The following STARD6 variants were observed in gnomAD, a reference collection of about 807,000 sequenced individuals.
STARD6 encodes StAR related lipid transfer domain containing 6.
In STARD6, 21 loss-of-function variants were observed where a neutral mutation model predicts 22.3. That is an observed-to-expected ratio of 0.94 (90% CI 0.67 to 1.35). The LOEUF is 1.35. Ranked by LOEUF, STARD6 falls within the 40% of genes most tolerant of loss-of-function variation. STARD6 has a pLI of 0.00. For synonymous variants in STARD6, 80 were observed against 88.1 expected (o/e 0.91, Z 0.52); for missense variants, 269 against 266.9 (o/e 1.01, Z -0.05).
At chr18:54,339,467 C>A (rs931069695) in intron 4 of STARD6, among the ~76,000 whole-genome samples, 4 of 143,058 alleles carry the variant, frequency 2.8e-5, no homozygotes, top group African/African-American at 8.7e-5. Context: ...AAAATAAAGT[C>A]TTGAAAGCAG....
intron 4 of STARD6, among the ~76,000 whole-genome samples, chr18:54,344,583 T>TAAAAAAAAAAAAAAAAA (rs55736082): frequency 4.3e-5 from 4 of 94,054 alleles, no homozygotes; most frequent in Admixed American, 1.1e-4. Context: ...AAAAATAAAT[T>TAAAAAAAAAAAAAAAAA]AAAAAAAAAA....
intron 5 of STARD6, among the ~76,000 whole-genome samples, chr18:54,335,877 AT>A (rs2088906585): frequency 2.0e-5 from 3 of 152,176 alleles, no homozygotes; most frequent in Admixed American, 6.5e-5. Context: ...CCTCCGAGTC[AT>A]GCTTCCTGTG....
chr18:54,324,989 A>T (rs2144660777), intron 7 of STARD6, 114 bp from the exon 8 acceptor site: 1 of 776,660 alleles, frequency 1.3e-6, no homozygotes. Context: ...CATACTTAAA[A>T]ATTGTACTTA....
chr18:54,326,436 A>G (rs1363313919), intron 7 of STARD6, among the ~76,000 whole-genome samples: 1 of 149,518 alleles, frequency 6.7e-6, no homozygotes, highest in Non-Finnish European at 1.5e-5. Context: ...GGTTCAAACG[A>G]TTCTCCTGCT....
chr18:54,354,501 TC>T lies in STARD6; in HGVS notation c.72del (p.Trp24Ter). 6.2e-7 allele frequency: 1 copy of T among 1,613,210 alleles called. No homozygotes were observed. Among genetic ancestry groups the T allele is most frequent in the Non-Finnish European group, 8.5e-7 (1 of 1,179,618 alleles). On this transcript the variant is annotated frameshift_variant, in exon 3 of 8. Coordinates refer to ENST00000307844, the MANE Select transcript of STARD6 (RefSeq NM_139171.2). ...TTTCTTACTGAAGTTTTAACCACTTTCCAGCCTGATGTATCTCGATTATAAC... is the reference window on the plus strand; with the variant it reads ...TTTCTTACTGAAGTTTTAACCACTTTCAGCCTGATGTATCTCGATTATAAC... ...VLGYNRDTSG[W>X]KVVKTSKKIT...
At chr18:54,333,813 T>C (rs1189903401) in intron 5 of STARD6, among the ~76,000 whole-genome samples, 3 of 152,212 alleles carry the variant, frequency 2.0e-5, no homozygotes, top group Non-Finnish European at 4.4e-5. Context: ...GTTTATTTAT[T>C]TATTTACTTA....
chr18:54,335,943 C>T (rs1354791637), intron 5 of STARD6, among the ~76,000 whole-genome samples: 1 of 152,148 alleles, frequency 6.6e-6, no homozygotes, highest in Non-Finnish European at 1.5e-5. Flanking sequence ...ATTACCCAGT[C>T]TCAGGTAGTT....
chr18:54,353,897 G>A (rs1599312667), intron 4 of STARD6, 157 bp downstream of exon 4: 7 of 456,662 alleles, frequency 1.5e-5, no homozygotes, highest in Non-Finnish European at 1.2e-5. Flanking sequence ...TCTGATTGCT[G>A]TATTTTATTA....
chr18:54,343,304 G>C, intron 4 of STARD6, among the ~76,000 whole-genome samples: 1 of 127,712 alleles, frequency 7.8e-6, no homozygotes, highest in East Asian at 2.3e-4. Flanking sequence ...TCTCCGCCCA[G>C]CAGCCACCCC....
chr18:54,344,920 A>C (rs1430969976), intron 4 of STARD6, among the ~76,000 whole-genome samples: 1 of 152,232 alleles, frequency 6.6e-6, no homozygotes, highest in Admixed American at 6.5e-5. Flanking sequence ...GGCACCTATG[A>C]AAAATCCACT....
chr18:54,334,052 T>C (rs1250405268), intron 5 of STARD6, among the ~76,000 whole-genome samples: 1 of 152,230 alleles, frequency 6.6e-6, no homozygotes, highest in Non-Finnish European at 1.5e-5. Context: ...AATTCACCTA[T>C]TTTAAGTATG....
chr18:54,343,657 G>T (rs1221413511), intron 4 of STARD6, among the ~76,000 whole-genome samples: 81 of 32,526 alleles, frequency 2.5e-3, no homozygotes, highest in African/African-American at 6.9e-3. Flanking sequence ...CAGCCGCCCC[G>T]TCCGGGAGGG....
chr18:54,328,639 C>T (rs2088842977), intron 7 of STARD6, among the ~76,000 whole-genome samples: 1 of 139,720 alleles, frequency 7.2e-6, no homozygotes, highest in South Asian at 2.1e-4. Flanking sequence ...CCTTCACATA[C>T]ATTTTTTTTT....
intron 4 of STARD6, among the ~76,000 whole-genome samples, chr18:54,338,251 C>A (rs2088934994): frequency 6.6e-6 from 1 of 152,190 alleles, no homozygotes; most frequent in African/African-American, 2.4e-5. Context: ...AGGCTGCACC[C>A]TCTGAGGAGT....
intron 1 of STARD6, among the ~76,000 whole-genome samples, chr18:54,356,715 T>C (rs2089147692): frequency 6.6e-6 from 1 of 152,166 alleles, no homozygotes; most frequent in Admixed American, 6.5e-5. Flanking sequence ...AAAATTTAAG[T>C]TTTTAAGCTT....
intron 4 of STARD6, among the ~76,000 whole-genome samples, chr18:54,337,648 T>C (rs1168492605): frequency 6.6e-6 from 1 of 152,188 alleles, no homozygotes; most frequent in Non-Finnish European, 1.5e-5. Flanking sequence ...GCTCTTGTGC[T>C]ATAATGACAG....
chr18:54,347,831 T>A (rs2089051429), intron 4 of STARD6, among the ~76,000 whole-genome samples: 1 of 152,070 alleles, frequency 6.6e-6, no homozygotes, highest in Non-Finnish European at 1.5e-5. Flanking sequence ...TTAAAAAATG[T>A]TTAACCTGTG....
At position 54,324,747 on chromosome 18, in the gene STARD6, A is replaced by G. The variant is rs767696282; in HGVS notation, c.608T>C (p.Ile203Thr). 6.2e-7 allele frequency: 1 copy of G among 1,612,892 alleles called. No individual in the cohort carries two copies. Among genetic ancestry groups the G allele is most frequent in the South Asian group, 1.1e-5 (1 of 90,966 alleles). The stretch of plus-strand genomic sequence containing the variant: ...TCTTGATGGAGTTCTGTGTGCCTTT[A>G]TTCCATCTTTTGCATTGAGGATGAA... ...VNFILNAKDG[I>T]KAHRTPSRRG... The change falls in exon 8 of 8, where the codon ATA (isoleucine) becomes ACA (threonine). Residue 203 changes from isoleucine to threonine, a missense_variant. By Grantham distance (89) the Ile-to-Thr change is moderately conservative (BLOSUM62 -1). Transcript: ENST00000307844.
intron 4 of STARD6, among the ~76,000 whole-genome samples, chr18:54,342,285 A>C (rs1311032611): frequency 2.0e-5 from 3 of 152,252 alleles, no homozygotes; most frequent in African/African-American, 7.2e-5. Flanking sequence ...TCACCGGTGA[A>C]TCTGACCAAA....
Sources: allele counts gnomAD v4.1 joint callset (sites outside exome capture counted in the v4.1 genomes callset), GRCh38; gene constraint gnomAD v4.1.1; transcripts MANE v1.5; gene names NCBI Gene and HGNC (gene_info 2026-07-23, HGNC 2026-07-21).